CSMD1: variants seen among roughly 807,000 people sequenced by gnomAD.
CSMD1 encodes the protein CUB and Sushi multiple domains 1.
A neutral mutation model predicts 417.5 loss-of-function variants in CSMD1; 213 were observed. The observed-to-expected ratio is 0.51, with a 90% CI of 0.46 to 0.57. The LOEUF (loss-of-function observed/expected upper bound fraction) is 0.57, where lower values mean the gene tolerates loss of function less well. Ranked by LOEUF, CSMD1 falls within the 20% of genes least tolerant of loss-of-function variation. The pLI is 0.00. For missense variants in CSMD1, 6,923 were observed against 4,529.7 expected (o/e 1.53, Z -15.17); for synonymous variants, 2,862 against 1,736.8 (o/e 1.65, Z -16.11).
chr8:3,502,511 G>A (rs773270158), intron 10 of CSMD1, among the ~76,000 whole-genome samples: 5 of 152,152 alleles, frequency 3.3e-5, no homozygotes, highest in African/African-American at 7.2e-5. Flanking sequence ...TATCCAGACA[G>A]TGGAATATTA....
chr8:4,638,448 T>C (rs1252501108), intron 1 of CSMD1, among the ~76,000 whole-genome samples: 1 of 151,926 alleles, frequency 6.6e-6, no homozygotes, highest in East Asian at 1.9e-4. Flanking sequence ...ATAAAAGACA[T>C]AAAACAAGGT....
chr8:4,838,577 G>A (rs773211542), intron 1 of CSMD1, among the ~76,000 whole-genome samples: 1 of 152,214 alleles, frequency 6.6e-6, no homozygotes, highest in African/African-American at 2.4e-5. Flanking sequence ...GCATGTTGAG[G>A]ATATATTCAT....
intron 23 of CSMD1, among the ~76,000 whole-genome samples, chr8:3,308,733 T>TTG (rs1491346976): frequency 7.2e-4 from 2 of 2,766 alleles, no homozygotes; most frequent in East Asian, 0.056. Context: ...TACTTACAAG[T>TTG]TTTTTTTTTT....
intron 2 of CSMD1, among the ~76,000 whole-genome samples, chr8:4,525,605 G>A (rs1342201729): frequency 1.3e-5 from 2 of 152,128 alleles, no homozygotes; most frequent in Non-Finnish European, 2.9e-5. Flanking sequence ...CATGAAGTAT[G>A]AATTTGGTGC....
chr8:4,842,474 C>T (rs1425313033), intron 1 of CSMD1, among the ~76,000 whole-genome samples: 1 of 152,106 alleles, frequency 6.6e-6, no homozygotes, highest in African/African-American at 2.4e-5. Context: ...CATGAGTTGT[C>T]AGATGCAATG....
At chr8:4,708,093 G>A (rs1808064690) in intron 1 of CSMD1, among the ~76,000 whole-genome samples, 1 of 151,412 alleles carries the variant, frequency 6.6e-6, no homozygotes, top group African/African-American at 2.4e-5. Flanking sequence ...ACAGGCATCT[G>A]CCAATACACT....
At chr8:4,789,213 G>C (rs1436438956) in intron 1 of CSMD1, among the ~76,000 whole-genome samples, 2 of 152,168 alleles carry the variant, frequency 1.3e-5, no homozygotes, top group Non-Finnish European at 2.9e-5. Flanking sequence ...ATTATTTGTA[G>C]TTAATATAAA....
chr8:3,919,126 G>A (rs904828055), intron 5 of CSMD1, among the ~76,000 whole-genome samples: 9 of 136,030 alleles, frequency 6.6e-5, no homozygotes, highest in African/African-American at 2.5e-4. Context: ...AGAAGATTCT[G>A]TGTTTGACGT....
chr8:3,761,386 T>A (rs926608916), intron 5 of CSMD1, among the ~76,000 whole-genome samples: 1 of 151,964 alleles, frequency 6.6e-6, no homozygotes, highest in South Asian at 2.1e-4. Context: ...GTATATACTA[T>A]CTGGGGAAAA....
intron 1 of CSMD1, among the ~76,000 whole-genome samples, chr8:4,993,226 C>T (rs535132503): frequency 6.6e-6 from 1 of 152,100 alleles, no homozygotes; most frequent in African/African-American, 2.4e-5. Context: ...AGATTGGACT[C>T]CAACCTTTAA....
intron 5 of CSMD1, among the ~76,000 whole-genome samples, chr8:3,835,036 T>G (rs967133106): frequency 1.3e-5 from 2 of 151,984 alleles, no homozygotes; most frequent in Admixed American, 6.6e-5. Flanking sequence ...TCCCACCAGT[T>G]AGAATGGCGA....
intron 1 of CSMD1, among the ~76,000 whole-genome samples, chr8:4,663,720 C>T (rs1042726702): frequency 6.6e-6 from 1 of 152,212 alleles, no homozygotes; most frequent in African/African-American, 2.4e-5. Context: ...CTAAATCCCT[C>T]TTTTAAATAA....
intron 5 of CSMD1, among the ~76,000 whole-genome samples, chr8:3,959,173 G>A (rs966438234): frequency 6.6e-6 from 1 of 152,174 alleles, no homozygotes; most frequent in Admixed American, 6.5e-5. Flanking sequence ...AGAAGTTACA[G>A]GGCATCTTTT....
chr8:3,816,372 G>A (rs562065852), intron 5 of CSMD1, among the ~76,000 whole-genome samples: 1 of 152,188 alleles, frequency 6.6e-6, no homozygotes, highest in East Asian at 1.9e-4. Context: ...AGCAGGAAAA[G>A]ATATTCTGAG....
chr8:4,743,282 A>G (rs1280010770), intron 1 of CSMD1, among the ~76,000 whole-genome samples: 1 of 152,202 alleles, frequency 6.6e-6, no homozygotes, highest in Non-Finnish European at 1.5e-5. Context: ...CAAATTCTAA[A>G]CAAGAAATAT....
At chr8:3,022,537 C>G (rs970005263) in intron 51 of CSMD1, among the ~76,000 whole-genome samples, 40 of 152,170 alleles carry the variant, frequency 2.6e-4, no homozygotes, top group African/African-American at 9.7e-4. Context: ...TGAAATATAT[C>G]AACTTTAAAA....
chr8:4,183,996 T>C (rs966672912), intron 3 of CSMD1, among the ~76,000 whole-genome samples: 3 of 152,196 alleles, frequency 2.0e-5, no homozygotes, highest in African/African-American at 4.8e-5. Flanking sequence ...GACAGTGTCA[T>C]ACACATGACA....
intron 2 of CSMD1, among the ~76,000 whole-genome samples, chr8:4,445,736 G>A (rs567297486): frequency 1.3e-5 from 2 of 149,706 alleles, no homozygotes; most frequent in African/African-American, 2.5e-5. Context: ...GTTGCATTAA[G>A]TATCCAATAA....
In CSMD1 at chr8:2,966,485, G is replaced by A. The variant is rs574460447; in HGVS notation, c.9100+85C>T. The A allele has an allele frequency of 3.0e-5, 37 of 1,227,914 alleles. No homozygotes were observed. In the East Asian group the frequency reaches 7.8e-4, roughly 26 times the overall value. The allele number at this position is 1,227,914 out of a possible 1,614,324, so 76.1% of individuals were successfully genotyped here. On this transcript the variant is annotated intron_variant, in intron 58 of 69. Transcript: ENST00000635120. ...TCTATGAATTAAAAATAAAAAAACA[G>A]TATAACACCTTAAAGTCATTTTTTT...
Sources: allele counts gnomAD v4.1 joint callset (sites outside exome capture counted in the v4.1 genomes callset), GRCh38; gene constraint gnomAD v4.1.1; transcripts MANE v1.5; gene names NCBI Gene and HGNC (gene_info 2026-07-23, HGNC 2026-07-21).